Variants in PRDM15 observed in about 807,000 individuals in gnomAD.
PRDM15 encodes PR/SET domain 15, also known as PR domain zinc finger protein 15.
PRDM15 carries 64 observed loss-of-function variants against 128.6 expected under a neutral mutation model. The ratio of observed to expected loss-of-function variants is 0.50; its 90% confidence interval spans 0.41 to 0.61. The LOEUF is 0.61. PRDM15 is among the 20% of genes least tolerant of loss of function. The probability of loss-of-function intolerance (pLI) is 0.00; values close to 1 mark genes in which losing one functional copy is unlikely to be tolerated. For missense variants in PRDM15, 1,242 were observed against 1,569.1 expected, an observed-to-expected ratio of 0.79 and a Z score of 3.52; for synonymous variants, 615 against 621.8, an observed-to-expected ratio of 0.99 and a Z score of 0.16.
Position 41,836,140 on chromosome 21 carries a change from G to A in PRDM15, c.1251C>T (p.His417=), listed in dbSNP as rs370504356. Residue 417 remains histidine, a synonymous_variant, in exon 10 of 24, where the codon CAC becomes CAT. Transcript: ENST00000398548. ...LFSRKESLKQ[H]VSYKHSRNEV... ...CGTTCCTGCTGTGCTTGTAGGAAAC[G>A]TGCTGCTTTAGGCTCTCTTTGCGGC... is the stretch of plus-strand genomic sequence containing the variant. The A allele has an allele frequency of 9.3e-6, 15 of 1,613,830 alleles. No individual in the cohort carries two copies. Among genetic ancestry groups the A allele is most frequent in the African/African-American group, 4.0e-5 (3 of 74,842 alleles).
At chr21:41,870,515 C>T (rs1205691744) in intron 1 of PRDM15, 3 of 152,136 alleles carry the variant, frequency 2.0e-5, no homozygotes, top group Non-Finnish European at 2.9e-5. Flanking sequence ...AAATATGCGC[C>T]GCAGAACCAT....
At chr21:41,834,546 C>T in intron 11 of PRDM15, 1 of 1,550,088 alleles carries the variant, frequency 6.5e-7, no homozygotes, top group Non-Finnish European at 8.7e-7. Flanking sequence ...CCCCCCCTCT[C>T]CAGGGTGTGC....
At chr21:41,857,081 A>G in intron 4 of PRDM15, 95 bp downstream of exon 4, 1 of 1,133,902 alleles carries the variant, frequency 8.8e-7, no homozygotes, top group Non-Finnish European at 1.3e-6. Context: ...GCATTTATAA[A>G]TCATGGAAAC....
chr21:41,815,559 C>T, intron 19 of PRDM15, 146 bp downstream of exon 19: 1 of 1,100,812 alleles, frequency 9.1e-7, no homozygotes. Flanking sequence ...TCACCCCGGC[C>T]CCAGGAAGCT....
rs2062241565 is a variant in PRDM15 at position 41,821,034 on chromosome 21, G to A, written c.2060+33C>T. ...CAAGGAAGCATGTCCCCTCTCTCCT[G>A]ACACAACCCGGGAGCCCCCGACCAG... On this transcript the variant is annotated intron_variant, in intron 16 of 23. Transcript: ENST00000398548. This position sits in a 1 kb window ranked among gnomAD's most constrained non-coding sequence, Gnocchi z 5.4. 1.9e-6 allele frequency: 3 copies of A among 1,613,710 alleles called. No homozygotes were observed. The highest frequency in any genetic ancestry group is 1.7e-5 in the Admixed American group (1 of 60,002).
rs2061844075 is a variant in PRDM15 at position 41,810,936 on chromosome 21, C to T, written c.2393-100G>A. On this transcript the variant is annotated intron_variant, in intron 19 of 23. Transcript: ENST00000398548. This position sits in a 1 kb window ranked among gnomAD's most constrained non-coding sequence, Gnocchi z 6.4. ...TGACACGTTCCAGGCACTGTAGGGCCTTCAGGAGAAGGTGAATTGCAAGAA... is the reference window on the plus strand; with the variant it reads ...TGACACGTTCCAGGCACTGTAGGGCTTTCAGGAGAAGGTGAATTGCAAGAA... The T allele has an allele frequency of 1.9e-6, 2 of 1,036,196 alleles. No individual in the cohort carries two copies. The highest frequency in any genetic ancestry group is 3.0e-6 in the Non-Finnish European group (2 of 669,456). The allele number at this position is 1,036,196 out of a possible 1,614,324, so 64.2% of individuals were successfully genotyped here.
chr21:41,846,640 T>G (rs1045904804), intron 6 of PRDM15, among the ~76,000 whole-genome samples: 2 of 152,196 alleles, frequency 1.3e-5, no homozygotes, highest in African/African-American at 4.8e-5. Context: ...AAGGCTGCAG[T>G]GAGCCACGAT....
At chr21:41,818,214 G>T (rs550153537) in intron 18 of PRDM15, among the ~76,000 whole-genome samples, 1 of 152,328 alleles carries the variant, frequency 6.6e-6, no homozygotes, top group Non-Finnish European at 1.5e-5. Context: ...TAAGGCAGAC[G>T]CGGATAAAGA....
At chr21:41,865,270 T>C (rs1322198496) in intron 1 of PRDM15, among the ~76,000 whole-genome samples, 2 of 152,148 alleles carry the variant, frequency 1.3e-5, no homozygotes, top group Non-Finnish European at 2.9e-5. Context: ...GATCCACCTG[T>C]CCACAGCGTG....
Position 41,857,235 on chromosome 21 carries a change from C to G in PRDM15, c.226G>C (p.Gly76Arg). The G allele has an allele frequency of 6.2e-7, 1 of 1,613,802 alleles. No homozygotes were observed. Among genetic ancestry groups the G allele is most frequent in the South Asian group, 1.1e-5 (1 of 91,072 alleles). ...ITQLVKRTQF[G>R]PFESRRVAKW... is the part of the protein sequence containing the mutation. ...GCGACCCTCCTGGACTCAAAGGGAC[C>G]GAACTGTGTCCGCTTGACGAGCTGA... Residue 76 changes from glycine (G) to arginine (R), a missense_variant, in exon 4 of 24, where the codon GGT becomes CGT. Around this residue, in one of 3 missense-constraint regions of PRDM15, gnomAD observed 612 missense variants for 717.0 expected, o/e 0.85. Coordinates refer to ENST00000398548, the MANE Select transcript of PRDM15 (RefSeq NM_001040424.3).
chr21:41,817,699 T>C (rs1031977853), intron 18 of PRDM15, among the ~76,000 whole-genome samples: 2 of 151,986 alleles, frequency 1.3e-5, no homozygotes, highest in Non-Finnish European at 2.9e-5. Flanking sequence ...CCAAGACGTA[T>C]TTTCAAGTAA....
intron 19 of PRDM15, chr21:41,813,274 T>G (rs1276702667): frequency 6.6e-6 from 1 of 152,298 alleles, no homozygotes; most frequent in Non-Finnish European, 1.5e-5. Flanking sequence ...AGGCAGAGTG[T>G]GGGGTGTTCT....
intron 19 of PRDM15, chr21:41,814,581 T>C: frequency 7.2e-6 from 1 of 138,306 alleles, no homozygotes; most frequent in East Asian, 2.4e-4. Context: ...CTCTAGTGTT[T>C]TATGAGAATG....
At chr21:41,861,811 T>A (rs2063823400) in intron 1 of PRDM15, 7 of 1,591,436 alleles carry the variant, frequency 4.4e-6, no homozygotes, top group African/African-American at 1.3e-5. Flanking sequence ...TACAAGGAAG[T>A]GAGGCAGAGG....
Position 41,862,105 on chromosome 21 carries a change from C to T in PRDM15, c.-9-1733G>A, listed in dbSNP as rs2063834885. The T allele has an allele frequency of 3.1e-5, 27 of 861,802 alleles. No individual in the cohort carries two copies. Among genetic ancestry groups the T allele is most frequent in the Non-Finnish European group, 5.2e-5 (27 of 522,120 alleles). The allele number at this position is 861,802 out of a possible 1,614,324, so 53.4% of individuals were successfully genotyped here. A position where few individuals can be genotyped will look rare whatever the true frequency, so the allele number is the denominator to read the frequency against. ...TGAACAGGACAAAGGGCAGAAGAAA[C>T]CCAGAGTGGGGTGGGGAGGGCGCAC... On this transcript the variant is annotated intron_variant, in intron 1 of 23. Transcript: ENST00000398548. This position sits in a 1 kb window ranked among gnomAD's most constrained non-coding sequence, Gnocchi z 4.1.
intron 1 of PRDM15, among the ~76,000 whole-genome samples, chr21:41,877,098 G>A (rs1000968735): frequency 2.0e-5 from 3 of 151,964 alleles, no homozygotes; most frequent in South Asian, 2.1e-4. Flanking sequence ...CCATCTGCCT[G>A]GTGGGGGCAG....
intron 1 of PRDM15, among the ~76,000 whole-genome samples, chr21:41,875,782 G>A (rs1463062517): frequency 6.6e-6 from 1 of 152,152 alleles, no homozygotes; most frequent in Non-Finnish European, 1.5e-5. Context: ...AATTGAATTC[G>A]TCTTGATTTC....
chr21:41,822,255 C>T (rs572672516), intron 14 of PRDM15, among the ~76,000 whole-genome samples: 11 of 152,408 alleles, frequency 7.2e-5, no homozygotes, highest in East Asian at 3.9e-4. Context: ...CTCTCCACGC[C>T]GCCCGCGGCT....
Position 41,874,525 on chromosome 21 carries a change from A to ATATTTT in PRDM15, c.-10+4744_-10+4745insAAAATA. On this transcript the variant is annotated intron_variant, in intron 1 of 23. Transcript: ENST00000398548. ...TGCATATATATATATATATATATATATTTTTTTTTTTTTTTGAAACTTACA... is the reference window on the plus strand; with the variant it reads ...TGCATATATATATATATATATATATATATTTTTTTTTTTTTTTTTTTGAAACTTACA... Among the ~76,000 whole-genome samples the ATATTTT allele has an allele frequency of 4.8e-3, 455 of 95,776 alleles. 2 individuals carry two copies. Among genetic ancestry groups the ATATTTT allele is most frequent in the Non-Finnish European group, 6.7e-3 (336 of 50,076 alleles). 62.8% of individuals were successfully genotyped at this position (95,776 alleles called of 152,430 possible).
Sources: gnomAD v4.1 joint callset for allele counts (sites outside exome capture counted in the v4.1 genomes callset) on GRCh38, gnomAD v4.1.1 for gene constraint, gnomAD v4.1.1 regional missense constraint, Gnocchi (gnomAD v3.1) non-coding constraint, MANE v1.5 for transcripts, NCBI Gene and HGNC (gene_info 2026-07-23, HGNC 2026-07-21) for gene names.